Variants in INTS6 observed in about 807,000 individuals in gnomAD.
INTS6 encodes DEAD box protein.
INTS6 carries 16 observed loss-of-function variants against 104.9 expected under a neutral mutation model. That is an observed-to-expected ratio of 0.15 (90% CI 0.10 to 0.23). INTS6 has a LOEUF of 0.23. Among genes scored for constraint, INTS6 ranks in the 10% least tolerant of loss-of-function variants. The pLI is 1.00. For synonymous variants in INTS6, 324 were observed against 358.7 expected (o/e 0.90, Z 1.09); for missense variants, 584 against 1,062.8 (o/e 0.55, Z 6.26).
In INTS6 at chr13:51,378,402, T is replaced by C. The variant is rs752369490; in HGVS notation, c.1439A>G (p.Gln480Arg). ...GCTCCGGACTTTTATTCCAGTCTCC[T>C]GTACTACTTTTTTGCCTACAGATCC... ...VIGSVGKKVV[Q>R]ETGIKVRSRS... Residue 480 changes from glutamine to arginine, a missense_variant, in exon 12 of 18, where the codon CAG becomes CGG. Coordinates refer to ENST00000311234, the MANE Select transcript of INTS6 (RefSeq NM_012141.3). 11 of 1,613,366 alleles carry C rather than the reference T, an allele frequency of 6.8e-6. No homozygotes were observed. The highest frequency in any genetic ancestry group is 9.3e-6 in the Non-Finnish European group (11 of 1,179,508).
chr13:51,378,568 TAAA>T (rs991117119), intron 11 of INTS6, 114 bp from the exon 12 acceptor site: 25 of 526,804 alleles, frequency 4.7e-5, no homozygotes, highest in African/African-American at 4.7e-4. Flanking sequence ...TATAAGAAGT[TAAA>T]AACTCAAGTA....
chr13:51,446,316 AAAT>A (rs1316446311), intron 3 of INTS6: 1 of 152,192 alleles, frequency 6.6e-6, no homozygotes, highest in Admixed American at 6.5e-5. Context: ...TGCTTAACAT[AAAT>A]AATTATTAGG....
intron 4 of INTS6, among the ~76,000 whole-genome samples, chr13:51,423,954 C>T (rs545004371): frequency 6.6e-6 from 1 of 151,920 alleles, no homozygotes; most frequent in African/African-American, 2.4e-5. Context: ...AGGTCCTTAC[C>T]CAGATCAACT....
chr13:51,375,786 A>G (rs1410058747), intron 13 of INTS6, among the ~76,000 whole-genome samples: 1 of 151,410 alleles, frequency 6.6e-6, no homozygotes, highest in Non-Finnish European at 1.5e-5. Flanking sequence ...TGCGCGCATG[A>G]ATGCATGAGA....
Position 51,364,238 on chromosome 13 carries a change from G to A in INTS6, c.*1514C>T. ...TATTAAATTCTTCTTTTTCTTGACA[G>A]GGTTTGTCTTCAGTATTGGGAGAGT... On this transcript the variant is annotated 3_prime_UTR_variant, in exon 18 of 18. Coordinates refer to ENST00000311234, the MANE Select transcript of INTS6 (RefSeq NM_012141.3). 7.0e-7 allele frequency: 1 copy of A among 1,429,048 alleles called. No individual in the cohort carries two copies. The highest frequency in any genetic ancestry group is 1.4e-5 in the African/African-American group (1 of 70,226). 88.5% of individuals were successfully genotyped at this position (1,429,048 alleles called of 1,614,324 possible). A position where few individuals can be genotyped will look rare whatever the true frequency, so the allele number is the denominator to read the frequency against.
At chr13:51,428,054 A>T (rs1268861798) in intron 4 of INTS6, among the ~76,000 whole-genome samples, 1 of 152,232 alleles carries the variant, frequency 6.6e-6, no homozygotes, top group Non-Finnish European at 1.5e-5. Flanking sequence ...AGATCCAGAC[A>T]TATGGAAACA....
chr13:51,451,720 GCGCCGC>G (rs551582945), intron 2 of INTS6: 101 of 193,616 alleles, frequency 5.2e-4, no homozygotes, highest in Middle Eastern at 1.9e-3. Flanking sequence ...GTTGATAGCA[GCGCCGC>G]CGCCGCCGCC....
chr13:51,451,856 G>A (rs1953061192), intron 2 of INTS6, 122 bp downstream of exon 2: 1 of 612,256 alleles, frequency 1.6e-6, no homozygotes, highest in Admixed American at 2.3e-5. Context: ...AGACCTCAGC[G>A]GCTGGGAGCG....
At chr13:51,347,525 C>T in the INTS6 span, among the ~76,000 whole-genome samples, 61 of 152,314 alleles carry the variant, frequency 4.0e-4, no homozygotes, top group Admixed American at 2.6e-3. Flanking sequence ...CAAACTGCCA[C>T]CCTGGCAGGC....
chr13:51,377,657 T>C (rs1213666070), intron 12 of INTS6, among the ~76,000 whole-genome samples: 1 of 152,152 alleles, frequency 6.6e-6, no homozygotes, highest in Admixed American at 6.5e-5. Context: ...CTCAATTCTG[T>C]TCCACTAATC....
intron 5 of INTS6, among the ~76,000 whole-genome samples, chr13:51,393,653 T>C (rs971468675): frequency 2.0e-5 from 3 of 152,196 alleles, no homozygotes; most frequent in Non-Finnish European, 4.4e-5. Context: ...AGAATGTATA[T>C]TTAGGGAAGA....
chr13:51,383,528 T>C (rs958704105), intron 8 of INTS6, 61 bp downstream of exon 8: 7 of 1,604,272 alleles, frequency 4.4e-6, no homozygotes, highest in Non-Finnish European at 6.0e-6. Context: ...ATTGATTCAA[T>C]TCAGCTTTTT....
the INTS6 span, among the ~76,000 whole-genome samples, chr13:51,346,772 G>T: frequency 6.6e-6 from 1 of 152,180 alleles, no homozygotes; most frequent in East Asian, 1.9e-4. Context: ...TGACCATATC[G>T]CTCAACAGTC....
chr13:51,364,204 A>T lies in INTS6; in HGVS notation c.*1548T>A, dbSNP rs1955639842. The T allele has an allele frequency of 3.6e-6, 4 of 1,105,982 alleles. No homozygotes were observed. Among genetic ancestry groups the T allele is most frequent in the African/African-American group, 1.6e-5 (1 of 63,124 alleles). 68.5% of individuals were successfully genotyped at this position (1,105,982 alleles called of 1,614,324 possible). A position where few individuals can be genotyped will look rare whatever the true frequency, so the allele number is the denominator to read the frequency against. ...AGCTTAAAGAACTGCATATGAAAATACTATATAATATTAAATTCTTCTTTT... is the reference window on the plus strand; with the variant it reads ...AGCTTAAAGAACTGCATATGAAAATTCTATATAATATTAAATTCTTCTTTT... On this transcript the variant is annotated 3_prime_UTR_variant, in exon 18 of 18. Coordinates refer to ENST00000311234, the MANE Select transcript of INTS6 (RefSeq NM_012141.3).
chr13:51,391,538 A>C (rs1033815115), intron 5 of INTS6, among the ~76,000 whole-genome samples: 1 of 152,170 alleles, frequency 6.6e-6, no homozygotes, highest in Non-Finnish European at 1.5e-5. Flanking sequence ...CTTATTGTCT[A>C]TGTCAAAACT....
In INTS6 at chr13:51,443,755, G is replaced by A. The variant is rs374608619; in HGVS notation, c.339+7270C>T. ...AAAGTCCACCAAGACTAATTTAATT[G>A]TAGAGTATAAATCTGAGTCAAGGTT... On this transcript the variant is annotated intron_variant, in intron 3 of 17. Transcript: ENST00000311234. The A allele has an allele frequency of 2.1e-4, 32 of 152,178 alleles. No individual in the cohort carries two copies. The East Asian group carries it at 6.0e-3, about 28-fold the overall frequency. The allele number at this position is 152,178 out of a possible 1,614,324, so 9.4% of individuals were successfully genotyped here. A position where few individuals can be genotyped will look rare whatever the true frequency, so the allele number is the denominator to read the frequency against.
chr13:51,407,721 A>G (rs1001380668), intron 4 of INTS6, among the ~76,000 whole-genome samples: 1 of 152,212 alleles, frequency 6.6e-6, no homozygotes, highest in Non-Finnish European at 1.5e-5. Context: ...AAATAGACGC[A>G]TACATACACC....
At chr13:51,432,288 A>G (rs758529774) in intron 3 of INTS6, among the ~76,000 whole-genome samples, 9 of 152,154 alleles carry the variant, frequency 5.9e-5, no homozygotes, top group Admixed American at 1.3e-4. Context: ...CAATTTGAAT[A>G]CCACTTCCCT....
chr13:51,412,441 T>C (rs1481598842), intron 4 of INTS6, among the ~76,000 whole-genome samples: 1 of 152,218 alleles, frequency 6.6e-6, no homozygotes, highest in Middle Eastern at 3.2e-3. Flanking sequence ...TATTGTACCA[T>C]GCTGCCTCCT....
Sources: gnomAD v4.1 joint callset for allele counts (sites outside exome capture counted in the v4.1 genomes callset) on GRCh38, gnomAD v4.1.1 for gene constraint, MANE v1.5 for transcripts, NCBI Gene and HGNC (gene_info 2026-07-23, HGNC 2026-07-21) for gene names.